Variants in LRMDA observed in about 807,000 individuals in gnomAD.
The protein encoded by LRMDA is leucine-rich melanocyte differentiation-associated protein.
In LRMDA, 18 loss-of-function variants were observed where a neutral mutation model predicts 29.8. The ratio of observed to expected loss-of-function variants is 0.60; its 90% confidence interval spans 0.42 to 0.90. The LOEUF (loss-of-function observed/expected upper bound fraction) is 0.90. Among genes scored for constraint, LRMDA ranks in the 40% least tolerant of loss-of-function variants. The probability of loss-of-function intolerance (pLI) is 0.00; values close to 1 mark genes in which losing one functional copy is unlikely to be tolerated. For missense variants in LRMDA, 273 were observed against 273.9 expected (o/e 1.00, Z 0.02); for synonymous variants, 125 against 109.4 (o/e 1.14, Z -0.89).
chr10:75,579,310 T>TA (rs1430603492), intron 2 of LRMDA, among the ~76,000 whole-genome samples: 3 of 152,146 alleles, frequency 2.0e-5, no homozygotes, highest in African/African-American at 7.2e-5. Context: ...GCAAATAAAC[T>TA]AAAGAATCTA....
intron 2 of LRMDA, among the ~76,000 whole-genome samples, chr10:75,517,181 G>A (rs1397389525): frequency 3.9e-5 from 6 of 152,006 alleles, no homozygotes; most frequent in African/African-American, 9.7e-5. Flanking sequence ...TTGGCAATGC[G>A]GGCTCTTTTT....
At chr10:76,448,481 T>C (rs1842374639) in intron 6 of LRMDA, among the ~76,000 whole-genome samples, 3 of 152,114 alleles carry the variant, frequency 2.0e-5, no homozygotes, top group Non-Finnish European at 4.4e-5. Context: ...CAATTTACAT[T>C]CCAATGGTAG....
intron 2 of LRMDA, among the ~76,000 whole-genome samples, chr10:75,890,336 T>A (rs1050925679): frequency 1.3e-5 from 2 of 152,224 alleles, no homozygotes; most frequent in Non-Finnish European, 2.9e-5. Context: ...TGGCTGATAT[T>A]TAAAAGGCAC....
At chr10:75,436,758 C>T (rs1393117572) in intron 1 of LRMDA, among the ~76,000 whole-genome samples, 4 of 152,076 alleles carry the variant, frequency 2.6e-5, no homozygotes, top group African/African-American at 7.2e-5. Context: ...CATGAGCCAC[C>T]GCGCCTGGCC....
intron 5 of LRMDA, among the ~76,000 whole-genome samples, chr10:76,112,489 T>G (rs1452230894): frequency 6.6e-6 from 1 of 152,124 alleles, no homozygotes; most frequent in Non-Finnish European, 1.5e-5. Flanking sequence ...AAAGAGCCGG[T>G]GGGGAGGGGG....
chr10:76,221,029 T>A (rs1227952529), intron 5 of LRMDA, among the ~76,000 whole-genome samples: 1 of 152,196 alleles, frequency 6.6e-6, no homozygotes, highest in African/African-American at 2.4e-5. Flanking sequence ...ACCACATGAT[T>A]ATCTCAATAG....
chr10:76,022,625 T>C (rs1273117563), intron 2 of LRMDA, among the ~76,000 whole-genome samples: 3 of 152,170 alleles, frequency 2.0e-5, no homozygotes, highest in Admixed American at 6.5e-5. Context: ...GCACCTAGCA[T>C]GGTAGGAGTC....
chr10:76,454,066 C>G (rs1281061220), intron 6 of LRMDA, among the ~76,000 whole-genome samples: 1 of 152,166 alleles, frequency 6.6e-6, no homozygotes, highest in Non-Finnish European at 1.5e-5. Flanking sequence ...GTTTTCCTGG[C>G]TTACCACGAC....
intron 5 of LRMDA, among the ~76,000 whole-genome samples, chr10:76,240,748 G>A (rs1337272904): frequency 1.4e-5 from 2 of 146,080 alleles, no homozygotes; most frequent in African/African-American, 5.0e-5. Flanking sequence ...ATCAATGAGT[G>A]GATAAAGAAA....
chr10:75,617,036 G>C (rs1335289197), intron 2 of LRMDA, among the ~76,000 whole-genome samples: 1 of 152,164 alleles, frequency 6.6e-6, no homozygotes, highest in African/African-American at 2.4e-5. Context: ...GGGAACCACT[G>C]GATTAAGGTC....
intron 5 of LRMDA, among the ~76,000 whole-genome samples, chr10:76,273,622 G>T (rs567762765): frequency 6.6e-6 from 1 of 152,256 alleles, no homozygotes; most frequent in Non-Finnish European, 1.5e-5. Flanking sequence ...AATCTCCAAA[G>T]AAATACAATT....
chr10:75,702,008 G>A (rs1481802906), intron 2 of LRMDA, among the ~76,000 whole-genome samples: 1 of 152,058 alleles, frequency 6.6e-6, no homozygotes, highest in Non-Finnish European at 1.5e-5. Flanking sequence ...GGCTCTTACC[G>A]CTGGGCCCTT....
At chr10:76,033,523 G>T (rs914776567) in intron 2 of LRMDA, among the ~76,000 whole-genome samples, 12 of 152,096 alleles carry the variant, frequency 7.9e-5, no homozygotes, top group African/African-American at 2.9e-4. Context: ...CCATCTTCAT[G>T]CTGTGTCGTT....
At chr10:75,734,953 T>C (rs1015769277) in intron 2 of LRMDA, among the ~76,000 whole-genome samples, 3 of 152,270 alleles carry the variant, frequency 2.0e-5, no homozygotes, top group African/African-American at 7.2e-5. Context: ...CTCATGCTGC[T>C]CTGCTTTTTC....
chr10:76,089,449 C>T (rs1427864116), intron 5 of LRMDA, among the ~76,000 whole-genome samples: 1 of 152,204 alleles, frequency 6.6e-6, no homozygotes, highest in Non-Finnish European at 1.5e-5. Flanking sequence ...AGAAAGTTTA[C>T]CAGTGTCCTG....
intron 2 of LRMDA, among the ~76,000 whole-genome samples, chr10:75,721,596 T>A (rs1255230471): frequency 6.6e-6 from 1 of 152,180 alleles, no homozygotes; most frequent in Non-Finnish European, 1.5e-5. Context: ...ACCTGGATCT[T>A]TAGAATGCAA....
At chr10:75,502,895 C>T (rs2132070761) in intron 2 of LRMDA, among the ~76,000 whole-genome samples, 1 of 152,218 alleles carries the variant, frequency 6.6e-6, no homozygotes, top group South Asian at 2.1e-4. Flanking sequence ...CCTGCAGTCC[C>T]CAGGTAGAGG....
At chr10:76,431,581 T>G (rs1224293187) in intron 6 of LRMDA, among the ~76,000 whole-genome samples, 2 of 152,216 alleles carry the variant, frequency 1.3e-5, no homozygotes, top group Non-Finnish European at 2.9e-5. Flanking sequence ...AAATGTAACA[T>G]CCTCATAATA....
chr10:76,155,482 G>T (rs1850520733), intron 5 of LRMDA, among the ~76,000 whole-genome samples: 1 of 152,136 alleles, frequency 6.6e-6, no homozygotes, highest in South Asian at 2.1e-4. Context: ...TTTATAAAGG[G>T]AATATGTTAG....
Sources: gnomAD v4.1 joint callset for allele counts (sites outside exome capture counted in the v4.1 genomes callset) on GRCh38, gnomAD v4.1.1 for gene constraint, MANE v1.5 for transcripts, NCBI Gene and HGNC (gene_info 2026-07-23, HGNC 2026-07-21) for gene names.